PCYT1A: variants seen among roughly 807,000 people sequenced by gnomAD.
The protein encoded by PCYT1A is choline-phosphate cytidylyltransferase A.
PCYT1A carries 25 observed loss-of-function variants against 43.7 expected under a neutral mutation model. The ratio of observed to expected loss-of-function variants is 0.57; its 90% CI spans 0.42 to 0.80. The LOEUF is 0.80. PCYT1A is among the 30% of genes least tolerant of loss of function. PCYT1A has a pLI of 0.00. For synonymous variants in PCYT1A, 172 were observed against 170.7 expected, an observed-to-expected ratio of 1.01 and a Z score of -0.06; for missense variants, 421 against 474.2, an observed-to-expected ratio of 0.89 and a Z score of 1.04.
chr3:196,256,220 G>A (rs547815361), intron 3 of PCYT1A, among the ~76,000 whole-genome samples: 4 of 152,318 alleles, frequency 2.6e-5, no homozygotes, highest in East Asian at 1.9e-4. Flanking sequence ...TGGCCGGCGC[G>A]GTGGCTCACG....
At position 196,287,702 on chromosome 3, in the gene PCYT1A, G is replaced by C. The variant is rs1252882269; in HGVS notation, c.-98C>G. On this transcript the variant is annotated 5_prime_UTR_variant, in exon 1 of 9. Coordinates refer to ENST00000431016, the MANE Select transcript of PCYT1A (RefSeq NM_001312673.2). ...CTAGGGAAGTTGAGGAGGTTGCGGG[G>C]AGACGCCCGGGGAAGGCAGCTGATG... 2 of 152,258 alleles carry C rather than the reference G, an allele frequency of 1.3e-5. No individual in the cohort carries two copies. Among genetic ancestry groups the C allele is most frequent in the East Asian group, 3.9e-4 (2 of 5,188 alleles). 9.4% of individuals were successfully genotyped at this position (152,258 alleles called of 1,614,324 possible).
At chr3:196,266,212 C>T (rs1219906976) in intron 2 of PCYT1A, among the ~76,000 whole-genome samples, 2 of 152,018 alleles carry the variant, frequency 1.3e-5, no homozygotes, top group Non-Finnish European at 2.9e-5. Flanking sequence ...GTAGCTCACG[C>T]CTGTAATCCC....
At chr3:196,241,816 G>A (rs756560957) in intron 7 of PCYT1A, 132 bp downstream of exon 7, 3 of 1,218,184 alleles carry the variant, frequency 2.5e-6, no homozygotes, top group East Asian at 2.5e-5. Context: ...AGTTAACATA[G>A]TGGTAATTCA....
intron 2 of PCYT1A, among the ~76,000 whole-genome samples, chr3:196,260,128 G>A (rs1725067015): frequency 6.6e-6 from 1 of 151,600 alleles, no homozygotes; most frequent in Non-Finnish European, 1.5e-5. Context: ...TCACCATGTC[G>A]GCCAGGCTGG....
intron 3 of PCYT1A, among the ~76,000 whole-genome samples, chr3:196,253,371 C>T (rs986229207): frequency 6.7e-6 from 1 of 149,538 alleles, no homozygotes; most frequent in East Asian, 1.9e-4. Flanking sequence ...CCAGAAGTCA[C>T]GTCCATGAAG....
chr3:196,259,707 T>C (rs1725050310), intron 2 of PCYT1A, among the ~76,000 whole-genome samples: 1 of 151,232 alleles, frequency 6.6e-6, no homozygotes, highest in South Asian at 2.1e-4. Context: ...TAGCTGGGCG[T>C]GGTGACACAT....
chr3:196,247,388 G>C lies in PCYT1A; in HGVS notation c.465C>G (p.Pro155=). 1 of 1,614,106 alleles carries C rather than the reference G, an allele frequency of 6.2e-7. No homozygotes were observed. The highest frequency in any genetic ancestry group is 8.5e-7 in the Non-Finnish European group (1 of 1,180,020). Residue 155 remains proline, a synonymous_variant, in exon 5 of 9, where the codon CCC becomes CCG. Coordinates refer to ENST00000431016, the MANE Select transcript of PCYT1A (RefSeq NM_001312673.2). This position sits in a 1 kb window ranked among gnomAD's most constrained non-coding sequence, Gnocchi z 4.8. ...TTACCCGGTGTTCGGCCAGGAACTC[G>C]GGTGTCAGCGTCCAGGGCGCATTCC... ...VVRNAPWTLT[P]EFLAEHRIDF...
At position 196,237,804 on chromosome 3, in the gene PCYT1A, A is replaced by G. The variant is rs568017137; in HGVS notation, c.*884T>C. On this transcript the variant is annotated 3_prime_UTR_variant, in exon 9 of 9. Transcript: ENST00000431016. ...GCCAGGCACTTACTCCCAGTAGGAAACTAATCTCAATCGACTTGGTATAGG... is the reference window on the plus strand; with the variant it reads ...GCCAGGCACTTACTCCCAGTAGGAAGCTAATCTCAATCGACTTGGTATAGG... 1 of 152,336 alleles carries G rather than the reference A, an allele frequency of 6.6e-6. No individual in the cohort carries two copies. The highest frequency in any genetic ancestry group is 1.9e-4 in the East Asian group (1 of 5,190). The allele number at this position is 152,336 out of a possible 1,614,324, so 9.4% of individuals were successfully genotyped here. A position where few individuals can be genotyped will look rare whatever the true frequency, so the allele number is the denominator to read the frequency against.
rs1724837754 is a variant in PCYT1A, at chr3:196,252,684, C to G, written c.218-4361G>C. 6.6e-6 allele frequency among the ~76,000 whole-genome samples: 1 copy of G among 152,210 alleles called. No individual in the cohort carries two copies. The highest frequency in any genetic ancestry group is 1.9e-4 in the East Asian group (1 of 5,200). The stretch of plus-strand genomic sequence containing the variant: ...AGCTTTGACCAAGCTTTCCAACCAG[C>G]TTTCTTCCTCTGTAACCTTAACTTC... On this transcript the variant is annotated intron_variant, in intron 3 of 8. Coordinates refer to ENST00000431016, the MANE Select transcript of PCYT1A (RefSeq NM_001312673.2). The surrounding 1 kb of genome is among the most constrained non-coding windows in gnomAD (Gnocchi z 4.0).
At chr3:196,286,971 A>T (rs1054621581) in intron 1 of PCYT1A, among the ~76,000 whole-genome samples, 2 of 152,228 alleles carry the variant, frequency 1.3e-5, no homozygotes, top group Non-Finnish European at 2.9e-5. Flanking sequence ...TCACAGCTCA[A>T]TACTAGGAAG....
At chr3:196,254,750 C>T (rs1577362762) in intron 3 of PCYT1A, among the ~76,000 whole-genome samples, 1 of 152,172 alleles carries the variant, frequency 6.6e-6, no homozygotes, top group South Asian at 2.1e-4. Context: ...ATACGCTGCA[C>T]CACTGGTGAC....
At position 196,268,521 on chromosome 3, in the gene PCYT1A, C is replaced by A. The variant is rs1037876661; in HGVS notation, c.117+1894G>T. ...TCTGCAGGCCAGGCACAGTGGCTCA[C>A]GCCTGGTAATCCTAGCACTCTGGGA... On this transcript the variant is annotated intron_variant, in intron 2 of 8. Transcript: ENST00000431016. The surrounding 1 kb of genome is among the most constrained non-coding windows in gnomAD (Gnocchi z 4.4). Among the ~76,000 whole-genome samples, 1 of 152,116 alleles carries A rather than the reference C, an allele frequency of 6.6e-6. No individual in the cohort carries two copies. Among genetic ancestry groups the A allele is most frequent in the Non-Finnish European group, 1.5e-5 (1 of 68,020 alleles).
In PCYT1A at chr3:196,241,608, T is replaced by C. The variant is rs529593911; in HGVS notation, c.708+340A>G. 16 of 1,317,746 alleles carry C rather than the reference T, an allele frequency of 1.2e-5. No individual in the cohort carries two copies. The African/African-American group carries it at 1.6e-4, about 13-fold the overall frequency. 81.6% of individuals were successfully genotyped at this position (1,317,746 alleles called of 1,614,324 possible). A position where few individuals can be genotyped will look rare whatever the true frequency, so the allele number is the denominator to read the frequency against. On this transcript the variant is annotated intron_variant, in intron 7 of 8. Coordinates refer to ENST00000431016, the MANE Select transcript of PCYT1A (RefSeq NM_001312673.2). ...TCACTATCCACACGAGGAGGGCTCA[T>C]AGCCTTTCGCAGGTTCCCAAGACAT... is the stretch of plus-strand genomic sequence containing the variant.
chr3:196,242,667 C>T lies in PCYT1A; in HGVS notation c.487-27G>A, dbSNP rs1227801826. On this transcript the variant is annotated intron_variant, in intron 5 of 8. Transcript: ENST00000431016. This position sits in a 1 kb window ranked among gnomAD's most constrained non-coding sequence, Gnocchi z 4.2. ...TGAAAATAAGGAAACATCATTAAAA[C>T]CCATGATAACTGCCATTCAGAAAGA... 3.5e-6 allele frequency: 5 copies of T among 1,434,416 alleles called. No homozygotes were observed. Among genetic ancestry groups the T allele is most frequent in the African/African-American group, 1.4e-5 (1 of 71,594 alleles). 88.9% of individuals were successfully genotyped at this position (1,434,416 alleles called of 1,614,324 possible).
rs1459324848 is a variant in PCYT1A at position 196,282,118 on chromosome 3, C to A, written c.-11+5497G>T. 6.6e-6 allele frequency among the ~76,000 whole-genome samples: 1 copy of A among 152,246 alleles called. No homozygotes were observed. The highest frequency in any genetic ancestry group is 1.5e-5 in the Non-Finnish European group (1 of 68,046). On this transcript the variant is annotated intron_variant, in intron 1 of 8. Transcript: ENST00000431016. This position sits in a 1 kb window ranked among gnomAD's most constrained non-coding sequence, Gnocchi z 4.3. ...TCACATTTAAGACCTTAGCTTTGAACTGGATCTCTTCCCTCTAATTTCGTC... is the reference window on the plus strand; with the variant it reads ...TCACATTTAAGACCTTAGCTTTGAAATGGATCTCTTCCCTCTAATTTCGTC...
intron 2 of PCYT1A, among the ~76,000 whole-genome samples, chr3:196,259,062 G>A (rs1328329215): frequency 6.6e-6 from 1 of 152,062 alleles, no homozygotes; most frequent in Non-Finnish European, 1.5e-5. Flanking sequence ...CTGTCACCGA[G>A]GCTAGAGTGC....
In PCYT1A at chr3:196,273,457, G is replaced by A. The variant is rs561748014; in HGVS notation, c.-10-2916C>T. On this transcript the variant is annotated intron_variant, in intron 1 of 8. Coordinates refer to ENST00000431016, the MANE Select transcript of PCYT1A (RefSeq NM_001312673.2). The surrounding 1 kb of genome is among the most constrained non-coding windows in gnomAD (Gnocchi z 4.1). Reference sequence around the variant, plus strand: ...TGAGGTATATGGACAACTGGAGGACGAGCAAGGTGAAGAGGTGCTTTATTG... The same window carrying A: ...TGAGGTATATGGACAACTGGAGGACAAGCAAGGTGAAGAGGTGCTTTATTG... 7.9e-4 allele frequency among the ~76,000 whole-genome samples: 120 copies of A among 152,322 alleles called. No homozygotes were observed. Among genetic ancestry groups the A allele is most frequent in the Non-Finnish European group, 1.1e-3 (72 of 68,028 alleles).
At position 196,238,685 on chromosome 3, in the gene PCYT1A, A is replaced by G. The variant is rs768051144; in HGVS notation, c.*3T>C. ...GGGAGGACAGGAAAGGAGGGAGGAA[A>G]CATTAGTCTTCTTCATCCTCACTGA... On this transcript the variant is annotated 3_prime_UTR_variant, in exon 9 of 9. Transcript: ENST00000431016. The G allele has an allele frequency of 1.3e-6, 2 of 1,505,692 alleles. No homozygotes were observed. The highest frequency in any genetic ancestry group is 1.8e-6 in the Non-Finnish European group (2 of 1,122,262). The allele number at this position is 1,505,692 out of a possible 1,614,324, so 93.3% of individuals were successfully genotyped here.
In PCYT1A at chr3:196,247,298, C is replaced by T. The variant is rs191307761; in HGVS notation, c.486+69G>A. ...ACACGGCTAGTGGAAAACCAGCCTA[C>T]GTGCCAGCAGCTTTGAGAGTTGAGG... On this transcript the variant is annotated intron_variant, in intron 5 of 8. Transcript: ENST00000431016. The surrounding 1 kb of genome is among the most constrained non-coding windows in gnomAD (Gnocchi z 4.8). 8.5e-6 allele frequency: 13 copies of T among 1,537,288 alleles called. No homozygotes were observed. Among genetic ancestry groups the T allele is most frequent in the East Asian group, 6.8e-5 (3 of 44,406 alleles).
Sources: allele counts gnomAD v4.1 joint callset (sites outside exome capture counted in the v4.1 genomes callset), GRCh38; gene constraint gnomAD v4.1.1; non-coding constraint Gnocchi (gnomAD v3.1); transcripts MANE v1.5; gene names NCBI Gene and HGNC (gene_info 2026-07-23, HGNC 2026-07-21).